The following LUZP2 variants were observed in gnomAD, a reference collection of about 807,000 sequenced individuals.
The protein encoded by LUZP2 is leucine zipper protein 2.
Under a neutral mutation model 51.6 loss-of-function variants are expected in LUZP2, and 52 were observed. That is an observed-to-expected ratio of 1.01 (90% confidence interval 0.81 to 1.27). The LOEUF is 1.27. LUZP2 is among the 50% of genes most tolerant of loss of function. The pLI is 0.00. For missense variants in LUZP2, 436 were observed against 395.4 expected, an observed-to-expected ratio of 1.10 and a Z score of -0.87; for synonymous variants, 154 against 137.3, an observed-to-expected ratio of 1.12 and a Z score of -0.85.
chr11:24,821,838 C>A (rs1344402519), intron 5 of LUZP2, among the ~76,000 whole-genome samples: 1 of 151,276 alleles, frequency 6.6e-6, no homozygotes, highest in Non-Finnish European at 1.5e-5. Flanking sequence ...AAACCTTTTT[C>A]ACTGGATGAC....
At chr11:24,774,569 G>C (rs1366041914) in intron 5 of LUZP2, among the ~76,000 whole-genome samples, 4 of 26,580 alleles carry the variant, frequency 1.5e-4, no homozygotes, top group African/African-American at 4.3e-4. Flanking sequence ...CTATATATAT[G>C]TAGAATATAT....
At chr11:25,017,820 G>T (rs575884414) in intron 9 of LUZP2, among the ~76,000 whole-genome samples, 1 of 152,210 alleles carries the variant, frequency 6.6e-6, no homozygotes, top group Admixed American at 6.5e-5. Context: ...TGTGAAAAAT[G>T]ATGTGGTAGA....
intron 5 of LUZP2, among the ~76,000 whole-genome samples, chr11:24,827,355 T>C (rs1424354720): frequency 3.3e-5 from 5 of 152,174 alleles, no homozygotes; most frequent in Admixed American, 1.3e-4. Context: ...TATTTGTAGA[T>C]ATACTACAAA....
chr11:24,691,138 G>C (rs1248820277), intron 1 of LUZP2, among the ~76,000 whole-genome samples: 1 of 151,864 alleles, frequency 6.6e-6, no homozygotes, highest in East Asian at 1.9e-4. Flanking sequence ...CAAACAACAT[G>C]TGTATTGCCA....
chr11:24,848,498 G>T (rs1461685059), intron 5 of LUZP2, among the ~76,000 whole-genome samples: 2 of 152,042 alleles, frequency 1.3e-5, no homozygotes, highest in Non-Finnish European at 1.5e-5. Context: ...ATTCTTAGCT[G>T]CCAGTTTGCT....
At chr11:24,766,036 C>T (rs1860178074) in intron 5 of LUZP2, among the ~76,000 whole-genome samples, 2 of 152,150 alleles carry the variant, frequency 1.3e-5, no homozygotes, top group Admixed American at 1.3e-4. Context: ...GCTGGGATTA[C>T]AGGAGTAAAC....
chr11:24,671,103 A>AT (rs1856388242), intron 1 of LUZP2, among the ~76,000 whole-genome samples: 1 of 151,944 alleles, frequency 6.6e-6, no homozygotes, highest in Non-Finnish European at 1.5e-5. Flanking sequence ...TCAAATGGTA[A>AT]TTAATGTCAA....
At chr11:24,574,955 G>A (rs1033772062) in intron 1 of LUZP2, among the ~76,000 whole-genome samples, 2 of 152,126 alleles carry the variant, frequency 1.3e-5, no homozygotes, top group Non-Finnish European at 2.9e-5. Flanking sequence ...GAAAGAAACT[G>A]ATGTAATGTT....
intron 7 of LUZP2, among the ~76,000 whole-genome samples, chr11:24,931,143 A>G (rs1854435021): frequency 6.6e-6 from 1 of 151,886 alleles, no homozygotes; most frequent in Non-Finnish European, 1.5e-5. Flanking sequence ...CACAGGAGGC[A>G]GAGGTTGCAG....
intron 1 of LUZP2, among the ~76,000 whole-genome samples, chr11:24,718,058 C>A (rs1246778341): frequency 1.3e-5 from 2 of 152,138 alleles, no homozygotes; most frequent in East Asian, 3.9e-4. Context: ...AACACTTCAA[C>A]CATACAATCT....
At chr11:24,556,308 C>T (rs958241645) in intron 1 of LUZP2, among the ~76,000 whole-genome samples, 1 of 152,148 alleles carries the variant, frequency 6.6e-6, no homozygotes. Context: ...GCATATAATA[C>T]TCTTCTATTT....
intron 3 of LUZP2, among the ~76,000 whole-genome samples, chr11:24,733,340 A>T (rs1264745370): frequency 2.0e-5 from 3 of 151,878 alleles, no homozygotes; most frequent in Non-Finnish European, 4.4e-5. Context: ...TTGGTTTGAA[A>T]TAAATCATGC....
At chr11:24,629,093 A>T (rs970986551) in intron 1 of LUZP2, among the ~76,000 whole-genome samples, 1 of 152,064 alleles carries the variant, frequency 6.6e-6, no homozygotes, top group African/African-American at 2.4e-5. Flanking sequence ...AGTTATTTTT[A>T]TTTCTATACA....
At chr11:24,927,726 C>A (rs1254788118) in intron 7 of LUZP2, among the ~76,000 whole-genome samples, 1 of 151,662 alleles carries the variant, frequency 6.6e-6, no homozygotes, top group Non-Finnish European at 1.5e-5. Flanking sequence ...ATGTGGGCTT[C>A]TTTTGGTTCC....
At chr11:24,750,649 A>G (rs1182800576) in intron 4 of LUZP2, among the ~76,000 whole-genome samples, 3 of 152,166 alleles carry the variant, frequency 2.0e-5, no homozygotes, top group Admixed American at 1.3e-4. Context: ...TAAACTGTAT[A>G]TTCAGTTGTT....
chr11:24,751,883 A>T (rs1859602219), intron 4 of LUZP2, among the ~76,000 whole-genome samples: 1 of 152,112 alleles, frequency 6.6e-6, no homozygotes, highest in African/African-American at 2.4e-5. Flanking sequence ...GTTAACCTAT[A>T]CAGTAATAAC....
intron 4 of LUZP2, among the ~76,000 whole-genome samples, chr11:24,756,779 C>G (rs923753719): frequency 1.3e-5 from 2 of 152,146 alleles, no homozygotes; most frequent in African/African-American, 4.8e-5. Context: ...CACTACTTAG[C>G]TGGAGATAGT....
At chr11:24,844,603 G>T (rs527906132) in intron 5 of LUZP2, among the ~76,000 whole-genome samples, 6 of 152,234 alleles carry the variant, frequency 3.9e-5, no homozygotes, top group Non-Finnish European at 5.9e-5. Context: ...TGTCTCCAGG[G>T]CATGTCACAG....
chr11:25,036,493 T>C lies in LUZP2; in HGVS notation c.766-13545T>C, dbSNP rs183158795. 3.3e-3 allele frequency among the ~76,000 whole-genome samples: 494 copies of C among 151,662 alleles called. 3 individuals are homozygous for C. The highest frequency in any genetic ancestry group is 0.011 in the African/African-American group (470 of 41,396). On this transcript the variant is annotated intron_variant, in intron 9 of 11. Transcript: ENST00000336930. ...TTCAGTTCTTCTCTAGTTTTAGTTATTTCTTTTATTCTGCTAGCTTTGGGG... is the reference window on the plus strand; with the variant it reads ...TTCAGTTCTTCTCTAGTTTTAGTTACTTCTTTTATTCTGCTAGCTTTGGGG...
Sources: allele counts gnomAD v4.1 joint callset (sites outside exome capture counted in the v4.1 genomes callset), GRCh38; gene constraint gnomAD v4.1.1; transcripts MANE v1.5; gene names NCBI Gene and HGNC (gene_info 2026-07-23, HGNC 2026-07-21).